The following MEF2A variants were observed in gnomAD, a reference collection of about 807,000 sequenced individuals.
MEF2A encodes the protein myocyte enhancer factor 2A.
Under a neutral mutation model 55.8 loss-of-function variants are expected in MEF2A, and 28 were observed. That is an observed-to-expected ratio of 0.50 (90% confidence interval 0.37 to 0.69). The LOEUF is 0.69. Among genes scored for constraint, MEF2A ranks in the 30% least tolerant of loss-of-function variants. MEF2A has a pLI of 0.00. For missense variants in MEF2A, 528 were observed against 626.2 expected (o/e 0.84, Z 1.67); for synonymous variants, 239 against 227.1 (o/e 1.05, Z -0.47).
intron 8 of MEF2A, among the ~76,000 whole-genome samples, chr15:99,701,284 T>A (rs548439428): frequency 9.8e-5 from 15 of 152,354 alleles, no homozygotes; most frequent in Admixed American, 8.5e-4. Flanking sequence ...TTTGTGGTAT[T>A]CTTGCAAAAA....
chr15:99,632,845 C>G (rs2043160000), intron 2 of MEF2A, 133 bp from the exon 3 acceptor site: 1 of 284,982 alleles, frequency 3.5e-6, no homozygotes, highest in Non-Finnish European at 6.6e-6. Context: ...AACTTATTTA[C>G]TAATTTTGTA....
At position 99,712,350 on chromosome 15, in the gene MEF2A, A is replaced by C. The variant is rs1249174919; in HGVS notation, c.1137-40A>C. On this transcript the variant is annotated intron_variant, in intron 11 of 11. Transcript: ENST00000557942. The surrounding 1 kb of genome is among the most constrained non-coding windows in gnomAD (Gnocchi z 4.1). ...TGTATCATCCCAGTTTTGCAGAGGT[A>C]CTTGCAAGCCATCTGACCTCTCTCT... The C allele has an allele frequency of 6.7e-7, 1 of 1,488,706 alleles. No individual in the cohort carries two copies. The highest frequency in any genetic ancestry group is 2.5e-5 in the East Asian group (1 of 40,332). The allele number at this position is 1,488,706 out of a possible 1,614,324, so 92.2% of individuals were successfully genotyped here.
chr15:99,599,562 C>T (rs1483406966), intron 2 of MEF2A, among the ~76,000 whole-genome samples: 1 of 151,908 alleles, frequency 6.6e-6, no homozygotes, highest in African/African-American at 2.4e-5. Context: ...ATATATTTTT[C>T]TTGTTATAAC....
chr15:99,583,797 G>A (rs1002127062), intron 1 of MEF2A, among the ~76,000 whole-genome samples: 4 of 152,096 alleles, frequency 2.6e-5, no homozygotes, highest in African/African-American at 9.7e-5. Context: ...TAGATTTGAG[G>A]TGGTAGTAGT....
intron 1 of MEF2A, among the ~76,000 whole-genome samples, chr15:99,580,466 G>C (rs1383820583): frequency 6.6e-6 from 1 of 152,146 alleles, no homozygotes; most frequent in Non-Finnish European, 1.5e-5. Context: ...TTTTAGTTAT[G>C]AAAAGACATA....
intron 1 of MEF2A, among the ~76,000 whole-genome samples, chr15:99,567,017 C>G (rs1959931050): frequency 6.6e-6 from 1 of 152,206 alleles, no homozygotes; most frequent in Admixed American, 6.5e-5. Context: ...ATAGTGCAAA[C>G]AAGTTTGGAA....
intron 2 of MEF2A, among the ~76,000 whole-genome samples, chr15:99,606,424 A>T (rs1242029023): frequency 6.6e-6 from 1 of 152,180 alleles, no homozygotes; most frequent in Non-Finnish European, 1.5e-5. Context: ...TTGTTCTTGC[A>T]AAGTCACCAT....
intron 1 of MEF2A, among the ~76,000 whole-genome samples, chr15:99,568,194 G>T (rs1960579598): frequency 6.6e-6 from 1 of 152,044 alleles, no homozygotes; most frequent in Non-Finnish European, 1.5e-5. Flanking sequence ...AAATTCTGGG[G>T]GGTGTTCAGT....
chr15:99,711,387 T>C (rs904287346), intron 11 of MEF2A, among the ~76,000 whole-genome samples: 6 of 152,164 alleles, frequency 3.9e-5, no homozygotes, highest in African/African-American at 9.7e-5. Flanking sequence ...ATGTTCCGTA[T>C]GGGCAGGGTG....
intron 2 of MEF2A, among the ~76,000 whole-genome samples, chr15:99,627,109 G>A (rs1255904420): frequency 6.6e-6 from 1 of 152,010 alleles, no homozygotes; most frequent in African/African-American, 2.4e-5. Context: ...GCAACAAAAT[G>A]GAGGCAAGGG....
intron 1 of MEF2A, among the ~76,000 whole-genome samples, chr15:99,579,563 T>A (rs142045034): frequency 3.9e-5 from 6 of 152,038 alleles, no homozygotes; most frequent in African/African-American, 1.4e-4. Flanking sequence ...CCTGGCTAAT[T>A]TTTTGTATTT....
chr15:99,616,151 AGC>A (rs1408226437), intron 2 of MEF2A, among the ~76,000 whole-genome samples: 1 of 152,212 alleles, frequency 6.6e-6, no homozygotes, highest in Non-Finnish European at 1.5e-5. Flanking sequence ...GAGAACAAAC[AGC>A]TGAGAAAATT....
chr15:99,706,322 T>C (rs190847307), intron 9 of MEF2A, among the ~76,000 whole-genome samples: 39 of 152,386 alleles, frequency 2.6e-4, no homozygotes, highest in African/African-American at 8.7e-4. Flanking sequence ...TTTTGATTCC[T>C]ATACTCATAG....
At chr15:99,598,687 T>A (rs1410538304) in intron 2 of MEF2A, among the ~76,000 whole-genome samples, 176 bp downstream of exon 2, 4 of 152,150 alleles carry the variant, frequency 2.6e-5, no homozygotes, top group Non-Finnish European at 4.4e-5. Flanking sequence ...TGCGTAATAT[T>A]GTGTAGTGGC....
At chr15:99,644,259 T>C (rs1389958640) in intron 3 of MEF2A, among the ~76,000 whole-genome samples, 1 of 152,176 alleles carries the variant, frequency 6.6e-6, no homozygotes, top group African/African-American at 2.4e-5. Context: ...GGTGTTACTA[T>C]AGGGAGAAAA....
intron 1 of MEF2A, among the ~76,000 whole-genome samples, chr15:99,597,788 G>T (rs559654053): frequency 9.9e-5 from 15 of 152,250 alleles, no homozygotes; most frequent in Admixed American, 8.5e-4. Flanking sequence ...AAGGAAAATA[G>T]AAAAGAACCT....
intron 3 of MEF2A, among the ~76,000 whole-genome samples, chr15:99,633,405 A>G (rs1276812685): frequency 6.6e-6 from 1 of 152,104 alleles, no homozygotes; most frequent in Non-Finnish European, 1.5e-5. Flanking sequence ...CAAAAGTAAA[A>G]TCACCACAAT....
At chr15:99,641,391 G>A (rs2044894916) in intron 3 of MEF2A, among the ~76,000 whole-genome samples, 1 of 152,124 alleles carries the variant, frequency 6.6e-6, no homozygotes. Context: ...GGCAGCGGAG[G>A]TGAGAAGCAC....
At chr15:99,597,355 A>AG (rs1483335661) in intron 1 of MEF2A, among the ~76,000 whole-genome samples, 1 of 152,154 alleles carries the variant, frequency 6.6e-6, no homozygotes, top group African/African-American at 2.4e-5. Flanking sequence ...AGTCTCCCAT[A>AG]GCGCTCCCAG....
Sources: gnomAD v4.1 joint callset for allele counts (sites outside exome capture counted in the v4.1 genomes callset) on GRCh38, gnomAD v4.1.1 for gene constraint, Gnocchi (gnomAD v3.1) non-coding constraint, MANE v1.5 for transcripts, NCBI Gene and HGNC (gene_info 2026-07-23, HGNC 2026-07-21) for gene names.